TAFA1: variants seen among roughly 807,000 people sequenced by gnomAD.
The protein encoded by TAFA1 is TAFA chemokine like family member 1, also known as chemokine-like protein TAFA-1.
A neutral mutation model predicts 18.5 loss-of-function variants in TAFA1; 4 were observed. The observed-to-expected ratio is 0.22, with a 90% CI of 0.11 to 0.49. The LOEUF is 0.49. Among genes scored for constraint, TAFA1 ranks in the 20% least tolerant of loss-of-function variants. The probability of loss-of-function intolerance (pLI) is 0.98; values close to 1 mark genes in which losing one functional copy is unlikely to be tolerated. For synonymous variants in TAFA1, 56 were observed against 55.2 expected, an observed-to-expected ratio of 1.01 and a Z score of -0.06; for missense variants, 147 against 169.0, an observed-to-expected ratio of 0.87 and a Z score of 0.72.
intron 2 of TAFA1, among the ~76,000 whole-genome samples, chr3:68,321,269 C>T (rs1331671792): frequency 1.3e-5 from 2 of 152,140 alleles, no homozygotes; most frequent in African/African-American, 2.4e-5. Flanking sequence ...ATTATTACCC[C>T]TCTTGGTCAT....
intron 2 of TAFA1, among the ~76,000 whole-genome samples, chr3:68,162,524 G>T (rs2065937425): frequency 6.6e-6 from 1 of 152,108 alleles, no homozygotes; most frequent in Admixed American, 6.5e-5. Context: ...AGGGGTTGGG[G>T]ACCCCTGGTC....
intron 1 of TAFA1, among the ~76,000 whole-genome samples, chr3:68,005,577 C>T (rs1003854423): frequency 6.6e-6 from 1 of 152,082 alleles, no homozygotes; most frequent in Non-Finnish European, 1.5e-5. Context: ...GTTACTAGCA[C>T]GTTTTCAACG....
intron 3 of TAFA1, among the ~76,000 whole-genome samples, chr3:68,471,430 A>G (rs1471947126): frequency 1.3e-5 from 2 of 152,154 alleles, no homozygotes; most frequent in Non-Finnish European, 2.9e-5. Flanking sequence ...ACTCAACATC[A>G]GTCTGTGAAA....
chr3:68,509,386 T>A (rs1446521464), intron 3 of TAFA1, among the ~76,000 whole-genome samples: 1 of 152,122 alleles, frequency 6.6e-6, no homozygotes, highest in Non-Finnish European at 1.5e-5. Context: ...TCCGTCATGG[T>A]CTTGTCTGTG....
intron 2 of TAFA1, among the ~76,000 whole-genome samples, chr3:68,371,774 A>G (rs529285363): frequency 1.3e-4 from 20 of 152,314 alleles, no homozygotes; most frequent in African/African-American, 4.6e-4. Context: ...TTAAAAATAA[A>G]CAAAAGTGGC....
intron 2 of TAFA1, among the ~76,000 whole-genome samples, chr3:68,271,832 T>TCACA (rs199850511): frequency 2.1e-5 from 3 of 144,544 alleles, no homozygotes; most frequent in African/African-American, 8.0e-5. Context: ...TCTCTCTCTC[T>TCACA]CTCTCACACA....
intron 2 of TAFA1, among the ~76,000 whole-genome samples, chr3:68,151,926 A>G (rs2065811556): frequency 6.6e-6 from 1 of 152,190 alleles, no homozygotes; most frequent in South Asian, 2.1e-4. Flanking sequence ...AGTTTATCTG[A>G]GAAGCTCATT....
chr3:68,034,233 C>T (rs1704998456), intron 2 of TAFA1, among the ~76,000 whole-genome samples: 1 of 152,172 alleles, frequency 6.6e-6, no homozygotes, highest in African/African-American at 2.4e-5. Flanking sequence ...CCCTGGAATG[C>T]TTCCTTTACT....
At chr3:68,246,719 C>G (rs1002072795) in intron 2 of TAFA1, 1 of 151,232 alleles carries the variant, frequency 6.6e-6, no homozygotes, top group African/African-American at 2.4e-5. Context: ...GCACTATCTC[C>G]ATCTAAGAAT....
At chr3:68,153,868 A>G (rs995535384) in intron 2 of TAFA1, among the ~76,000 whole-genome samples, 2 of 152,148 alleles carry the variant, frequency 1.3e-5, no homozygotes, top group African/African-American at 4.8e-5. Context: ...TTCAGTTTTT[A>G]TAATAAGAAA....
chr3:68,081,022 T>G (rs533698292), intron 2 of TAFA1, among the ~76,000 whole-genome samples: 48 of 152,246 alleles, frequency 3.2e-4, no homozygotes, highest in African/African-American at 1.1e-3. Flanking sequence ...CTTTTTATTC[T>G]TTTTTCTCTA....
At chr3:68,072,316 C>T (rs906307655) in intron 2 of TAFA1, among the ~76,000 whole-genome samples, 13 of 152,126 alleles carry the variant, frequency 8.5e-5, no homozygotes, top group South Asian at 4.2e-4. Flanking sequence ...GTGTGAAGTA[C>T]GGGAAGTGAG....
intron 2 of TAFA1, chr3:68,251,026 A>G (rs766727368): frequency 2.6e-5 from 4 of 152,016 alleles, no homozygotes; most frequent in Non-Finnish European, 5.9e-5. Flanking sequence ...CAAATCTCCA[A>G]CTTACCAGCA....
At chr3:68,106,269 A>C (rs1347252787) in intron 2 of TAFA1, among the ~76,000 whole-genome samples, 1 of 152,120 alleles carries the variant, frequency 6.6e-6, no homozygotes, top group African/African-American at 2.4e-5. Flanking sequence ...AATTAGAACT[A>C]TGAAACTTTT....
In TAFA1 at chr3:68,479,241, AAT is replaced by A. The variant is rs397989986; in HGVS notation, c.260-59494_260-59493del. 4.2e-3 allele frequency among the ~76,000 whole-genome samples: 524 copies of A among 123,602 alleles called. 3 individuals carry two copies. Among genetic ancestry groups the A allele is most frequent in the Middle Eastern group, 8.1e-3 (2 of 248 alleles). 81.1% of individuals were successfully genotyped at this position (123,602 alleles called of 152,430 possible). Reference sequence around the variant, plus strand: ...TGAGACTCCATCTCAAAAAAAAAAAAATATATATATATATATATATATGTCTG... The same window carrying A: ...TGAGACTCCATCTCAAAAAAAAAAAAATATATATATATATATATATGTCTG... On this transcript the variant is annotated intron_variant, in intron 3 of 4. Transcript: ENST00000478136.
At chr3:67,991,663 C>T in the TAFA1 span, among the ~76,000 whole-genome samples, 2 of 152,204 alleles carry the variant, frequency 1.3e-5, no homozygotes, top group Non-Finnish European at 2.9e-5. Flanking sequence ...GGTTCTTAGG[C>T]CTTTGGCCTT....
chr3:68,197,428 A>C (rs566266285), intron 2 of TAFA1, among the ~76,000 whole-genome samples: 3 of 151,688 alleles, frequency 2.0e-5, no homozygotes, highest in Non-Finnish European at 4.4e-5. Context: ...ATTTTATGAC[A>C]GTTCAATCAG....
intron 2 of TAFA1, among the ~76,000 whole-genome samples, chr3:68,239,501 G>A (rs139758042): frequency 2.0e-3 from 297 of 151,842 alleles, no homozygotes; most frequent in African/African-American, 6.9e-3. Flanking sequence ...TCCAGGACAG[G>A]CACCTGAAAT....
intron 2 of TAFA1, among the ~76,000 whole-genome samples, chr3:68,133,524 G>C (rs1308105479): frequency 6.6e-6 from 1 of 152,066 alleles, no homozygotes; most frequent in Non-Finnish European, 1.5e-5. Flanking sequence ...CCATTTGTTT[G>C]TGTCCTGTCT....
Sources: gnomAD v4.1 joint callset for allele counts (sites outside exome capture counted in the v4.1 genomes callset) on GRCh38, gnomAD v4.1.1 for gene constraint, MANE v1.5 for transcripts, NCBI Gene and HGNC (gene_info 2026-07-23, HGNC 2026-07-21) for gene names.